Variants in KIRREL3 observed in about 807,000 individuals in gnomAD.
KIRREL3 encodes the protein kirre like nephrin family adhesion molecule 3.
In KIRREL3, 36 loss-of-function variants were observed where a neutral mutation model predicts 89.7. That is an observed-to-expected ratio of 0.40 (90% CI 0.31 to 0.53). The LOEUF (loss-of-function observed/expected upper bound fraction) is 0.53. KIRREL3 is among the 20% of genes least tolerant of loss of function. The pLI is 0.49. For missense variants in KIRREL3, 864 were observed against 1,056.6 expected (o/e 0.82, Z 2.53); for synonymous variants, 445 against 441.4 (o/e 1.01, Z -0.10).
chr11:126,996,629 G>A lies in KIRREL3; in HGVS notation c.55+3826C>T, dbSNP rs1049954557. Among the ~76,000 whole-genome samples, 48 of 152,054 alleles carry A rather than the reference G, an allele frequency of 3.2e-4. No homozygotes were observed. Among genetic ancestry groups the A allele is most frequent in the African/African-American group, 1.2e-3 (48 of 41,370 alleles). On this transcript the variant is annotated intron_variant, in intron 1 of 16. Transcript: ENST00000525144. This position sits in a 1 kb window ranked among gnomAD's most constrained non-coding sequence, Gnocchi z 4.7. Reference sequence around the variant, plus strand: ...TACGAGATGCCTTTCTATTCCCTAGGAGATTCAGATCACCATGACCCTCTG... The same window carrying A: ...TACGAGATGCCTTTCTATTCCCTAGAAGATTCAGATCACCATGACCCTCTG...
Position 126,424,847 on chromosome 11 carries a change from G to T in KIRREL3, c.2070C>A (p.Asp690Glu), listed in dbSNP as rs1954871735. Residue 690 changes from aspartate (D) to glutamate (E), a missense_variant, in exon 17 of 17, where the codon GAC (aspartate) becomes GAA (glutamate). Physicochemically the swap from Asp to Glu is conservative, Grantham distance 45. Coordinates refer to ENST00000525144, the MANE Select transcript of KIRREL3 (RefSeq NM_032531.4). ...STLSGQGRLYDYGQRFVLGMG... is the reference protein window; with the variant it reads ...STLSGQGRLYEYGQRFVLGMG... ...TGCCCAGCACAAACCGCTGCCCGTAGTCGTAGAGGCGGCCCTGGCCGCTCA... is the reference window on the plus strand; with the variant it reads ...TGCCCAGCACAAACCGCTGCCCGTATTCGTAGAGGCGGCCCTGGCCGCTCA... The T allele has an allele frequency of 6.2e-7, 1 of 1,613,898 alleles. No homozygotes were observed. The highest frequency in any genetic ancestry group is 1.1e-5 in the South Asian group (1 of 91,094).
intron 1 of KIRREL3, among the ~76,000 whole-genome samples, chr11:126,848,177 G>A (rs370137580): frequency 1.2e-4 from 19 of 152,262 alleles, no homozygotes; most frequent in African/African-American, 4.3e-4. Context: ...CAAACCCACC[G>A]CAGGGCTTGG....
At position 126,612,907 on chromosome 11, in the gene KIRREL3, C is replaced by T. The variant is rs893068465; in HGVS notation, c.56-49995G>A. ...ATCTGCTAGACATTTGGGCTGTTTC[C>T]ACTTTTCGGCTATTGTGAATACTGC... On this transcript the variant is annotated intron_variant, in intron 1 of 16. Transcript: ENST00000525144. This position sits in a 1 kb window ranked among gnomAD's most constrained non-coding sequence, Gnocchi z 4.5. Among the ~76,000 whole-genome samples the T allele has an allele frequency of 6.6e-6, 1 of 152,172 alleles. No homozygotes were observed. Among genetic ancestry groups the T allele is most frequent in the African/African-American group, 2.4e-5 (1 of 41,430 alleles).
rs1343797430 is a variant in KIRREL3 at position 126,587,665 on chromosome 11, G to A, written c.56-24753C>T. 3.3e-5 allele frequency among the ~76,000 whole-genome samples: 5 copies of A among 152,174 alleles called. No individual in the cohort carries two copies. The highest frequency in any genetic ancestry group is 1.2e-4 in the African/African-American group (5 of 41,430). ...TTATCTCGCTGAAGGACTGTAATCT[G>A]GGAGATATTCATTTAACATATTTCT... On this transcript the variant is annotated intron_variant, in intron 1 of 16. Transcript: ENST00000525144. This position sits in a 1 kb window ranked among gnomAD's most constrained non-coding sequence, Gnocchi z 5.2.
At chr11:126,958,568 C>T (rs374710561) in intron 1 of KIRREL3, among the ~76,000 whole-genome samples, 42 of 152,310 alleles carry the variant, frequency 2.8e-4, no homozygotes, top group African/African-American at 9.9e-4. Context: ...GATATGCCTG[C>T]CTCTTTCACT....
At position 126,607,781 on chromosome 11, in the gene KIRREL3, C is replaced by G. The variant is rs941915827; in HGVS notation, c.56-44869G>C. 6.6e-6 allele frequency among the ~76,000 whole-genome samples: 1 copy of G among 152,054 alleles called. No homozygotes were observed. The highest frequency in any genetic ancestry group is 1.5e-5 in the Non-Finnish European group (1 of 68,018). ...TAGTCCTAATGATTTGCTGAAGGGC[C>G]GAGTTGCTTAGCCCTGCAGGGTACA... On this transcript the variant is annotated intron_variant, in intron 1 of 16. Transcript: ENST00000525144. The surrounding 1 kb of genome is among the most constrained non-coding windows in gnomAD (Gnocchi z 6.6).
Position 126,771,255 on chromosome 11 carries a change from G to GTT in KIRREL3, c.56-208345_56-208344dup, listed in dbSNP as rs11387162. Reference sequence around the variant, plus strand: ...AGGAAGGGAATTTTATTCCCTTACTGTTTTTTTTTTTAAACAGATGAGGAA... The same window carrying GTT: ...AGGAAGGGAATTTTATTCCCTTACTGTTTTTTTTTTTTTAAACAGATGAGGAA... On this transcript the variant is annotated intron_variant, in intron 1 of 16. Coordinates refer to ENST00000525144, the MANE Select transcript of KIRREL3 (RefSeq NM_032531.4). The surrounding 1 kb of genome is among the most constrained non-coding windows in gnomAD (Gnocchi z 4.4). 1.8e-4 allele frequency among the ~76,000 whole-genome samples: 26 copies of GTT among 147,746 alleles called. No individual in the cohort carries two copies. Among genetic ancestry groups the GTT allele is most frequent in the African/African-American group, 3.2e-4 (13 of 40,480 alleles).
rs571203505 is a variant in KIRREL3, at chr11:126,655,034, A to G, written c.56-92122T>C. ...ACACCGAAAGATGTTCCTAGCTGGC[A>G]CAGGCTGTGCTGAACACAGGTCTCA... On this transcript the variant is annotated intron_variant, in intron 1 of 16. Transcript: ENST00000525144. The surrounding 1 kb of genome is among the most constrained non-coding windows in gnomAD (Gnocchi z 5.0). 5.9e-5 allele frequency among the ~76,000 whole-genome samples: 9 copies of G among 152,228 alleles called. No homozygotes were observed. The highest frequency in any genetic ancestry group is 1.3e-4 in the Non-Finnish European group (9 of 68,048).
chr11:126,791,446 A>T lies in KIRREL3; in HGVS notation c.55+209009T>A, dbSNP rs1011540701. On this transcript the variant is annotated intron_variant, in intron 1 of 16. Transcript: ENST00000525144. This position sits in a 1 kb window ranked among gnomAD's most constrained non-coding sequence, Gnocchi z 4.8. Reference sequence around the variant, plus strand: ...GCTTATGCGGAGTGAAAGCCCAGCCACTCCTGATGGTGACGGCATTTGCAG... The same window carrying T: ...GCTTATGCGGAGTGAAAGCCCAGCCTCTCCTGATGGTGACGGCATTTGCAG... Among the ~76,000 whole-genome samples the T allele has an allele frequency of 6.6e-6, 1 of 152,084 alleles. No individual in the cohort carries two copies. Among genetic ancestry groups the T allele is most frequent in the Admixed American group, 6.6e-5 (1 of 15,264 alleles).
At chr11:126,547,705 G>A (rs1938925284) in intron 2 of KIRREL3, among the ~76,000 whole-genome samples, 2 of 152,196 alleles carry the variant, frequency 1.3e-5, no homozygotes, top group Admixed American at 1.3e-4. Flanking sequence ...CGGAGTGGGG[G>A]GTCTGTGGTC....
In KIRREL3 at chr11:126,455,645, A is replaced by C. The variant is rs2134230750; in HGVS notation, c.848+704T>G. Among the ~76,000 whole-genome samples, 1 of 151,846 alleles carries C rather than the reference A, an allele frequency of 6.6e-6. No individual in the cohort carries two copies. On this transcript the variant is annotated intron_variant, in intron 7 of 16. Coordinates refer to ENST00000525144, the MANE Select transcript of KIRREL3 (RefSeq NM_032531.4). The surrounding 1 kb of genome is among the most constrained non-coding windows in gnomAD (Gnocchi z 6.4). Reference sequence around the variant, plus strand: ...CTACTAAAAATACAAAAAAAAAAAAAAATTAGCTGGCGTGGTGGCGGGCGC... The same window carrying C: ...CTACTAAAAATACAAAAAAAAAAAACAATTAGCTGGCGTGGTGGCGGGCGC...
Position 126,671,235 on chromosome 11 carries a change from C to CT in KIRREL3, c.56-108324dup, listed in dbSNP as rs141912968. Among the ~76,000 whole-genome samples the CT allele has an allele frequency of 6.1e-3, 826 of 136,316 alleles. 2 individuals are homozygous for CT. The highest frequency in any genetic ancestry group is 0.019 in the African/African-American group (698 of 36,698). 89.4% of individuals were successfully genotyped at this position (136,316 alleles called of 152,430 possible). On this transcript the variant is annotated intron_variant, in intron 1 of 16. Coordinates refer to ENST00000525144, the MANE Select transcript of KIRREL3 (RefSeq NM_032531.4). ...CTTAGATTGGTGATGAGTTTTTCTC[C>CT]TTTTTTTTTTTTTTTTGAGTCGAGG...
At chr11:126,824,895 T>G (rs1267417532) in intron 1 of KIRREL3, among the ~76,000 whole-genome samples, 1 of 152,138 alleles carries the variant, frequency 6.6e-6, no homozygotes, top group Non-Finnish European at 1.5e-5. Flanking sequence ...ACAGAACCAT[T>G]TTAGGGTAAA....
Position 126,791,452 on chromosome 11 carries a change from G to C in KIRREL3, c.55+209003C>G, listed in dbSNP as rs1003702409. On this transcript the variant is annotated intron_variant, in intron 1 of 16. Coordinates refer to ENST00000525144, the MANE Select transcript of KIRREL3 (RefSeq NM_032531.4). The surrounding 1 kb of genome is among the most constrained non-coding windows in gnomAD (Gnocchi z 4.8). The stretch of plus-strand genomic sequence containing the variant: ...GCGGAGTGAAAGCCCAGCCACTCCT[G>C]ATGGTGACGGCATTTGCAGAAAATT... Among the ~76,000 whole-genome samples the C allele has an allele frequency of 6.6e-6, 1 of 152,214 alleles. No homozygotes were observed. Among genetic ancestry groups the C allele is most frequent in the African/African-American group, 2.4e-5 (1 of 41,450 alleles).
At chr11:126,478,763 G>T (rs1365632205) in intron 4 of KIRREL3, among the ~76,000 whole-genome samples, 1 of 152,138 alleles carries the variant, frequency 6.6e-6, no homozygotes, top group East Asian at 1.9e-4. Context: ...GTGTATATGT[G>T]TGTGTATATG....
rs1323908615 is a variant in KIRREL3 at position 126,764,044 on chromosome 11, C to CAGAT, written c.56-201136_56-201133dup. On this transcript the variant is annotated intron_variant, in intron 1 of 16. Coordinates refer to ENST00000525144, the MANE Select transcript of KIRREL3 (RefSeq NM_032531.4). This position sits in a 1 kb window ranked among gnomAD's most constrained non-coding sequence, Gnocchi z 4.2. Reference sequence around the variant, plus strand: ...AGAGGGCAAGGAAAGGTGGGTTATACAGATGCCCAGTGATATTTCAGAAGC... The same window carrying CAGAT: ...AGAGGGCAAGGAAAGGTGGGTTATACAGATAGATGCCCAGTGATATTTCAGAAGC... Among the ~76,000 whole-genome samples the CAGAT allele has an allele frequency of 1.3e-5, 2 of 152,156 alleles. No individual in the cohort carries two copies. The highest frequency in any genetic ancestry group is 2.9e-5 in the Non-Finnish European group (2 of 68,034).
At position 126,877,309 on chromosome 11, in the gene KIRREL3, A is replaced by G. The variant is rs937405219; in HGVS notation, c.55+123146T>C. On this transcript the variant is annotated intron_variant, in intron 1 of 16. Transcript: ENST00000525144. The surrounding 1 kb of genome is among the most constrained non-coding windows in gnomAD (Gnocchi z 4.9). ...GATAGCAAAAGAGCGTTCTATATAT[A>G]CATGCATTTTCAAAATATTGTGGCT... Among the ~76,000 whole-genome samples the G allele has an allele frequency of 2.0e-5, 3 of 152,218 alleles. No homozygotes were observed. The highest frequency in any genetic ancestry group is 2.0e-4 in the Admixed American group (3 of 15,280).
rs1387853211 is a variant in KIRREL3, at chr11:126,771,402, G to A, written c.56-208490C>T. ...TCCACTCTACAATGCTCCCTGCACT[G>A]TGCCCTGCCTGGAATCTCCTTCATG... On this transcript the variant is annotated intron_variant, in intron 1 of 16. Transcript: ENST00000525144. This position sits in a 1 kb window ranked among gnomAD's most constrained non-coding sequence, Gnocchi z 4.4. Among the ~76,000 whole-genome samples the A allele has an allele frequency of 6.6e-6, 1 of 152,062 alleles. No individual in the cohort carries two copies. Among genetic ancestry groups the A allele is most frequent in the African/African-American group, 2.4e-5 (1 of 41,376 alleles).
rs1363358979 is a variant in KIRREL3 at position 126,686,439 on chromosome 11, GA to G, written c.56-123528del. 6.6e-6 allele frequency among the ~76,000 whole-genome samples: 1 copy of G among 151,384 alleles called. No individual in the cohort carries two copies. Among genetic ancestry groups the G allele is most frequent in the Non-Finnish European group, 1.5e-5 (1 of 67,880 alleles). On this transcript the variant is annotated intron_variant, in intron 1 of 16. Transcript: ENST00000525144. This position sits in a 1 kb window ranked among gnomAD's most constrained non-coding sequence, Gnocchi z 4.7. ...TTTTTATAAGCCTTGTGGGTCTGTG[GA>G]AGAGAATGGAAGATACACAAAGGAA...
Sources: allele counts gnomAD v4.1 joint callset (sites outside exome capture counted in the v4.1 genomes callset), GRCh38; gene constraint gnomAD v4.1.1; non-coding constraint Gnocchi (gnomAD v3.1); transcripts MANE v1.5; gene names NCBI Gene and HGNC (gene_info 2026-07-23, HGNC 2026-07-21).